The following PRRC2B variants were observed in gnomAD, a reference collection of about 807,000 sequenced individuals.
PRRC2B encodes proline rich coiled-coil 2B.
A neutral mutation model predicts 242.3 loss-of-function variants in PRRC2B; 68 were observed. The ratio of observed to expected loss-of-function variants is 0.28; its 90% CI spans 0.23 to 0.34. The LOEUF is 0.34. Ranked by LOEUF, PRRC2B falls within the 10% of genes least tolerant of loss-of-function variation. The probability of loss-of-function intolerance (pLI) is 1.00; values close to 1 mark genes in which losing one functional copy is unlikely to be tolerated. For missense variants in PRRC2B, 2,835 were observed against 2,954.8 expected, an observed-to-expected ratio of 0.96 and a Z score of 0.94; for synonymous variants, 1,228 against 1,173.6, an observed-to-expected ratio of 1.05 and a Z score of -0.95.
Position 131,492,268 on chromosome 9 carries a change from C to A in PRRC2B, c.6473+8C>A. On this transcript the variant is annotated splice_region_variant and intron_variant, in intron 30 of 31. Coordinates refer to ENST00000683519, the MANE Select transcript of PRRC2B (RefSeq NM_013318.4). The stretch of plus-strand genomic sequence containing the variant: ...ATCGCCACAGACCTACAGGTAAAGC[C>A]ACTCCCTGGGGACTGCGTGCTGTGT... 6.2e-7 allele frequency: 1 copy of A among 1,610,178 alleles called. No individual in the cohort carries two copies. Among genetic ancestry groups the A allele is most frequent in the South Asian group, 1.1e-5 (1 of 91,016 alleles).
intron 3 of PRRC2B, among the ~76,000 whole-genome samples, chr9:131,433,405 G>T (rs1838242365): frequency 6.6e-6 from 1 of 152,238 alleles, no homozygotes; most frequent in African/African-American, 2.4e-5. Context: ...GGGGCAGAGG[G>T]TGGCATGGTG....
At position 131,482,661 on chromosome 9, in the gene PRRC2B, T is replaced by G. The variant is rs1423083426; in HGVS notation, c.5176-49T>G. The G allele has an allele frequency of 6.6e-7, 1 of 1,519,300 alleles. No homozygotes were observed. Among genetic ancestry groups the G allele is most frequent in the Non-Finnish European group, 8.8e-7 (1 of 1,130,612 alleles). 94.1% of individuals were successfully genotyped at this position (1,519,300 alleles called of 1,614,324 possible). On this transcript the variant is annotated intron_variant, in intron 21 of 31. Coordinates refer to ENST00000683519, the MANE Select transcript of PRRC2B (RefSeq NM_013318.4). This position sits in a 1 kb window ranked among gnomAD's most constrained non-coding sequence, Gnocchi z 5.2. ...TCCTGGGACAGTAGAAGCTAGAGAGTGTGGTCATTCCAGTCTGTGTGTCTC... is the reference window on the plus strand; with the variant it reads ...TCCTGGGACAGTAGAAGCTAGAGAGGGTGGTCATTCCAGTCTGTGTGTCTC...
intron 2 of PRRC2B, among the ~76,000 whole-genome samples, chr9:131,430,548 T>C (rs1471336889): frequency 8.0e-6 from 1 of 124,998 alleles, no homozygotes; most frequent in African/African-American, 2.9e-5. Flanking sequence ...TAGATATCTA[T>C]AGGTGTGTGT....
chr9:131,480,493 A>G (rs563578163), intron 19 of PRRC2B, among the ~76,000 whole-genome samples: 2 of 152,330 alleles, frequency 1.3e-5, no homozygotes, highest in Non-Finnish European at 2.9e-5. Flanking sequence ...GGTGTGAGTC[A>G]TCATCCCCTT....
intron 18 of PRRC2B, 30 bp downstream of exon 18, chr9:131,478,649 G>GGGGGGGGGCCGGGGGC: frequency 7.9e-6 from 4 of 504,556 alleles, no homozygotes; most frequent in East Asian, 5.1e-5. Context: ...GGGGCATGGG[G>GGGGGGGGGCCGGGGGC]CTGGAGGGCA....
intron 1 of PRRC2B, among the ~76,000 whole-genome samples, chr9:131,427,755 C>T (rs1056537683): frequency 3.3e-5 from 5 of 152,162 alleles, no homozygotes; most frequent in African/African-American, 9.7e-5. Flanking sequence ...ACCTTGCTTC[C>T]GCAGCTACCA....
rs74370245 is a variant in PRRC2B at position 131,477,354 on chromosome 9, C to T, written c.4407-390C>T. 2.7e-3 allele frequency among the ~76,000 whole-genome samples: 408 copies of T among 152,346 alleles called. 1 individual carries two copies. The highest frequency in any genetic ancestry group is 9.4e-3 in the African/African-American group (392 of 41,578). The stretch of plus-strand genomic sequence containing the variant: ...GCATCTAATCCAGCTTTCCAGGCGC[C>T]AGAGGCTGACCCTTGGCTTCACCTC... On this transcript the variant is annotated intron_variant, in intron 16 of 31. Transcript: ENST00000683519.
chr9:131,411,403 G>A (rs1213438364), intron 1 of PRRC2B, among the ~76,000 whole-genome samples: 1 of 147,104 alleles, frequency 6.8e-6, no homozygotes, highest in Non-Finnish European at 1.5e-5. Context: ...CTGGAGTGCA[G>A]TGGCGCAATC....
At chr9:131,413,094 A>G (rs1047716317) in intron 1 of PRRC2B, among the ~76,000 whole-genome samples, 6 of 152,256 alleles carry the variant, frequency 3.9e-5, no homozygotes, top group Admixed American at 6.5e-5. Flanking sequence ...TGTACTTTAT[A>G]TTCTTAGCTC....
intron 28 of PRRC2B, 163 bp from the exon 29 acceptor site, chr9:131,491,257 TCTCTC>T: frequency 1.5e-6 from 1 of 652,764 alleles, no homozygotes; most frequent in African/African-American, 1.9e-5. Flanking sequence ...TCCTGGGCGA[TCTCTC>T]CTGTGCTGCA....
intron 1 of PRRC2B, among the ~76,000 whole-genome samples, chr9:131,422,363 A>C (rs1286210153): frequency 1.3e-5 from 2 of 152,112 alleles, no homozygotes; most frequent in African/African-American, 4.8e-5. Flanking sequence ...CGGGTGTGTT[A>C]CTTTTCTATC....
chr9:131,441,529 C>T (rs1266511646), intron 5 of PRRC2B, among the ~76,000 whole-genome samples: 1 of 152,098 alleles, frequency 6.6e-6, no homozygotes, highest in African/African-American at 2.4e-5. Context: ...TTTCTCTACA[C>T]AAAATTTAAA....
chr9:131,483,944 A>AC (rs1943943460), intron 23 of PRRC2B, among the ~76,000 whole-genome samples: 1 of 152,192 alleles, frequency 6.6e-6, no homozygotes, highest in Non-Finnish European at 1.5e-5. Context: ...CTCTGTCCTC[A>AC]CCACCTGCAG....
intron 1 of PRRC2B, among the ~76,000 whole-genome samples, chr9:131,379,582 G>A (rs1413853482): frequency 6.7e-6 from 1 of 148,396 alleles, no homozygotes; most frequent in Non-Finnish European, 1.5e-5. Context: ...TCGGCCATGT[G>A]TATATCTTCT....
At chr9:131,488,225 C>T (rs1238960097) in intron 28 of PRRC2B, 129 bp downstream of exon 28, 7 of 1,293,594 alleles carry the variant, frequency 5.4e-6, no homozygotes, top group East Asian at 2.5e-5. Context: ...CGTGCCCATT[C>T]CTCAGCGTGC....
At chr9:131,410,885 TCTTAA>T (rs1837490772) in intron 1 of PRRC2B, among the ~76,000 whole-genome samples, 2 of 152,204 alleles carry the variant, frequency 1.3e-5, no homozygotes, top group Non-Finnish European at 2.9e-5. Flanking sequence ...TTTTCTGATT[TCTTAA>T]CTTGGATGCT....
Position 131,473,624 on chromosome 9 carries a change from C to G in PRRC2B, c.2224C>G (p.Pro742Ala), listed in dbSNP as rs145914427. Residue 742 changes from proline to alanine, a missense_variant, in exon 15 of 32, where the codon CCT becomes GCT. Coordinates refer to ENST00000683519, the MANE Select transcript of PRRC2B (RefSeq NM_013318.4). ...ERKVTPIDSP[P>A]VWSPEGYMAL... is the part of the protein sequence containing the mutation. ...AAAAGTGACCCCCATCGACTCACCC[C>G]CTGTGTGGAGCCCAGAGGGCTACAT... 33 of 1,613,714 alleles carry G rather than the reference C, an allele frequency of 2.0e-5. No individual in the cohort carries two copies. Among genetic ancestry groups the G allele is most frequent in the Non-Finnish European group, 2.8e-5 (33 of 1,179,788 alleles).
intron 3 of PRRC2B, among the ~76,000 whole-genome samples, 163 bp from the exon 4 acceptor site, chr9:131,436,457 A>G (rs1406826408): frequency 6.6e-6 from 1 of 152,236 alleles, no homozygotes; most frequent in Non-Finnish European, 1.5e-5. Flanking sequence ...TTTTCTTATT[A>G]GTTTTTGCCA....
At chr9:131,403,726 A>G (rs1837285865) in intron 1 of PRRC2B, among the ~76,000 whole-genome samples, 3 of 151,758 alleles carry the variant, frequency 2.0e-5, no homozygotes, top group Admixed American at 2.0e-4. Flanking sequence ...GCTTTTCCCC[A>G]ATGTCCCAGG....
Sources: gnomAD v4.1 joint callset for allele counts (sites outside exome capture counted in the v4.1 genomes callset) on GRCh38, gnomAD v4.1.1 for gene constraint, Gnocchi (gnomAD v3.1) non-coding constraint, MANE v1.5 for transcripts, NCBI Gene and HGNC (gene_info 2026-07-23, HGNC 2026-07-21) for gene names.